Variants in MDFIC observed in about 807,000 individuals in gnomAD.
The protein encoded by MDFIC is myoD family inhibitor domain-containing protein.
Under a neutral mutation model 23.2 loss-of-function variants are expected in MDFIC, and 17 were observed. The ratio of observed to expected loss-of-function variants is 0.73; its 90% CI spans 0.50 to 1.10. The LOEUF is 1.10. Among genes scored for constraint, MDFIC ranks in the 50% least tolerant of loss-of-function variants. MDFIC has a pLI of 0.00. For synonymous variants in MDFIC, 120 were observed against 115.2 expected (o/e 1.04, Z -0.27); for missense variants, 356 against 316.6 (o/e 1.12, Z -0.95).
chr7:114,940,760 A>T (rs1245424622), intron 2 of MDFIC, among the ~76,000 whole-genome samples: 1 of 152,230 alleles, frequency 6.6e-6, no homozygotes, highest in Non-Finnish European at 1.5e-5. Context: ...ATGCCTAAAC[A>T]TCTACTATGC....
intron 4 of MDFIC, among the ~76,000 whole-genome samples, chr7:114,997,953 C>T (rs967929196): frequency 1.3e-5 from 2 of 151,992 alleles, no homozygotes; most frequent in East Asian, 1.9e-4. Context: ...TTCAAATAAC[C>T]GGTAGGATAT....
In MDFIC at chr7:114,941,870, C is replaced by T. The variant is rs147122771; in HGVS notation, c.95-405C>T. Among the ~76,000 whole-genome samples the T allele has an allele frequency of 7.2e-5, 11 of 152,268 alleles. No homozygotes were observed. The East Asian group carries it at 1.4e-3, about 19-fold the overall frequency. On this transcript the variant is annotated intron_variant, in intron 2 of 4. Coordinates refer to ENST00000393486, the MANE Select transcript of MDFIC (RefSeq NM_001166345.3). ...AGTCACTCCTCATTCAGCTGCAGGC[C>T]GACTTTCGTCTCTACCACTCATCAG...
At chr7:114,997,793 G>GAAAGAAAGAGAAAGAAAGAAAGA (rs1791369036) in intron 4 of MDFIC, among the ~76,000 whole-genome samples, 1 of 149,386 alleles carries the variant, frequency 6.7e-6, no homozygotes, top group South Asian at 2.1e-4. Context: ...GAAAGAAAAA[G>GAAAGAAAGAGAAAGAAAGAAAGA]AAAGAAAGAG....
intron 4 of MDFIC, 114 bp from the exon 5 acceptor site, chr7:115,015,574 T>C (rs879574882): frequency 1.4e-6 from 2 of 1,383,482 alleles, no homozygotes; most frequent in Admixed American, 4.5e-5. Flanking sequence ...AAACTTCATT[T>C]GGGTTGTGGA....
At chr7:114,969,044 G>A (rs1353288541) in intron 3 of MDFIC, among the ~76,000 whole-genome samples, 2 of 152,108 alleles carry the variant, frequency 1.3e-5, no homozygotes, top group South Asian at 2.1e-4. Context: ...TTTCAGTTAC[G>A]AAATTTGACT....
At chr7:114,987,246 T>C (rs761146245) in intron 4 of MDFIC, among the ~76,000 whole-genome samples, 7 of 152,102 alleles carry the variant, frequency 4.6e-5, no homozygotes, top group Non-Finnish European at 8.8e-5. Flanking sequence ...AAAATTGAAA[T>C]TGAGTTGTTT....
chr7:115,014,282 C>T (rs2116149215), intron 4 of MDFIC: 1 of 985,308 alleles, frequency 1.0e-6, no homozygotes, highest in Non-Finnish European at 1.2e-6. Context: ...CCGTAGGTAC[C>T]CTGGTGTTTG....
chr7:115,011,808 C>A (rs984856963), intron 4 of MDFIC, among the ~76,000 whole-genome samples: 4 of 152,190 alleles, frequency 2.6e-5, no homozygotes, highest in African/African-American at 9.7e-5. Context: ...CTCTCTTCAT[C>A]CTCAGGGCTA....
chr7:114,922,775 G>A, intron 1 of MDFIC, 139 bp downstream of exon 1: 1 of 1,042,886 alleles, frequency 9.6e-7, no homozygotes, highest in Non-Finnish European at 1.3e-6. Context: ...GTCAACTTGC[G>A]CTGTAACAGT....
intron 2 of MDFIC, among the ~76,000 whole-genome samples, chr7:114,933,086 CT>C (rs1463765945): frequency 6.6e-6 from 1 of 152,140 alleles, no homozygotes; most frequent in African/African-American, 2.4e-5. Context: ...CTTTGCTTAA[CT>C]AGAGAGCTTG....
At chr7:114,981,739 T>C (rs1793420975) in intron 4 of MDFIC, among the ~76,000 whole-genome samples, 1 of 152,250 alleles carries the variant, frequency 6.6e-6, no homozygotes, top group African/African-American at 2.4e-5. Flanking sequence ...TTTGTTTTAT[T>C]GTGATTGCTT....
chr7:115,001,983 A>G (rs957232293), intron 4 of MDFIC, among the ~76,000 whole-genome samples: 29 of 152,052 alleles, frequency 1.9e-4, no homozygotes, highest in Non-Finnish European at 3.8e-4. Context: ...CTAAAAATAC[A>G]AAAATTAGCC....
intron 3 of MDFIC, among the ~76,000 whole-genome samples, chr7:114,960,483 T>TA (rs1173247371): frequency 2.6e-5 from 4 of 151,974 alleles, no homozygotes; most frequent in Non-Finnish European, 5.9e-5. Flanking sequence ...AATATAGTCT[T>TA]AAAAAACCCC....
chr7:114,942,460 G>A (rs755351475), intron 3 of MDFIC, 63 bp downstream of exon 3: 33 of 1,249,526 alleles, frequency 2.6e-5, no homozygotes, highest in Middle Eastern at 2.0e-4. Flanking sequence ...TATATTCTTC[G>A]TTAATTGCCC....
chr7:114,943,775 AT>A (rs1248169385), intron 3 of MDFIC, among the ~76,000 whole-genome samples: 1 of 152,046 alleles, frequency 6.6e-6, no homozygotes, highest in Non-Finnish European at 1.5e-5. Flanking sequence ...TCTAGAGACA[AT>A]TTTACCTCTA....
At chr7:114,944,398 T>A (rs2115773467) in intron 3 of MDFIC, among the ~76,000 whole-genome samples, 1 of 152,360 alleles carries the variant, frequency 6.6e-6, no homozygotes, top group African/African-American at 2.4e-5. Context: ...TGATTATAAA[T>A]TTCAAAAACT....
chr7:114,973,815 G>A (rs560478195), intron 3 of MDFIC, among the ~76,000 whole-genome samples: 1 of 152,090 alleles, frequency 6.6e-6, no homozygotes, highest in Non-Finnish European at 1.5e-5. Flanking sequence ...CCTCCTTTGC[G>A]AGTTCCCAGC....
chr7:114,971,309 C>T (rs1793201200), intron 3 of MDFIC, among the ~76,000 whole-genome samples: 1 of 152,150 alleles, frequency 6.6e-6, no homozygotes, highest in African/African-American at 2.4e-5. Flanking sequence ...CTTGCCTTTA[C>T]TTACCTAACT....
chr7:114,968,162 G>T (rs902430588), intron 3 of MDFIC, among the ~76,000 whole-genome samples: 1 of 152,108 alleles, frequency 6.6e-6, no homozygotes, highest in Non-Finnish European at 1.5e-5. Flanking sequence ...TTGTCTCTCT[G>T]TGCCATTTGC....
Sources: allele counts gnomAD v4.1 joint callset (sites outside exome capture counted in the v4.1 genomes callset), GRCh38; gene constraint gnomAD v4.1.1; transcripts MANE v1.5; gene names NCBI Gene and HGNC (gene_info 2026-07-23, HGNC 2026-07-21).